Variants in NOVA1 observed in about 807,000 individuals in gnomAD.
NOVA1 encodes the protein NOVA alternative splicing regulator 1, also known as RNA-binding protein Nova-1.
NOVA1 carries 7 observed loss-of-function variants against 38.0 expected under a neutral mutation model. The observed-to-expected ratio is 0.18, with a 90% CI of 0.10 to 0.35. The LOEUF (loss-of-function observed/expected upper bound fraction) is 0.35. NOVA1 is among the 10% of genes least tolerant of loss of function. NOVA1 has a pLI of 1.00. For synonymous variants in NOVA1, 270 were observed against 232.5 expected (o/e 1.16, Z -1.47); for missense variants, 460 against 616.0 (o/e 0.75, Z 2.68).
Position 26,448,292 on chromosome 14 carries a change from T to C in NOVA1, c.1191A>G (p.Gly397=), listed in dbSNP as rs770857304. 6.2e-7 allele frequency: 1 copy of C among 1,614,144 alleles called. No individual in the cohort carries two copies. Among genetic ancestry groups the C allele is most frequent in the Non-Finnish European group, 8.5e-7 (1 of 1,180,028 alleles). The change falls in exon 5 of 5, where the codon GGA becomes GGG. Residue 397 remains glycine, a synonymous_variant. Coordinates refer to ENST00000539517, the MANE Select transcript of NOVA1 (RefSeq NM_002515.3). This position sits in a 1 kb window ranked among gnomAD's most constrained non-coding sequence, Gnocchi z 5.3. Reference sequence around the variant, plus strand: ...CTAGGGGAGAAGCAGCTCCAAAATATCCATTGGTTGCAGCAGTAGCAGCAG... The same window carrying C: ...CTAGGGGAGAAGCAGCTCCAAAATACCCATTGGTTGCAGCAGTAGCAGCAG... ...SLAAATAATN[G]YFGAASPLAA...
intron 2 of NOVA1, among the ~76,000 whole-genome samples, chr14:26,506,998 A>G (rs955152808): frequency 6.6e-6 from 1 of 152,184 alleles, no homozygotes; most frequent in Non-Finnish European, 1.5e-5. Context: ...AATTTCCTGA[A>G]TTTAATTTTC....
intron 2 of NOVA1, among the ~76,000 whole-genome samples, chr14:26,507,279 A>AG (rs940535291): frequency 1.3e-5 from 2 of 151,820 alleles, no homozygotes; most frequent in Non-Finnish European, 2.9e-5. Context: ...ATTGTAAAAA[A>AG]AAAAAATAAT....
At chr14:26,550,865 C>T (rs1053217865) in intron 2 of NOVA1, among the ~76,000 whole-genome samples, 28 of 151,870 alleles carry the variant, frequency 1.8e-4, no homozygotes, top group Middle Eastern at 3.4e-3. Flanking sequence ...GGCATATACT[C>T]AGTGGAGTTA....
intron 2 of NOVA1, among the ~76,000 whole-genome samples, chr14:26,485,876 A>C (rs923907668): frequency 2.0e-5 from 3 of 152,310 alleles, no homozygotes; most frequent in African/African-American, 7.2e-5. Context: ...AAAATAAAAC[A>C]ATAATACAAA....
chr14:26,443,689 A>G lies in NOVA1; in HGVS notation c.*4270T>C, dbSNP rs1032902322. The G allele has an allele frequency of 6.6e-6, 1 of 152,112 alleles. No individual in the cohort carries two copies. The highest frequency in any genetic ancestry group is 3.2e-3 in the Middle Eastern group (1 of 316). The allele number at this position is 152,112 out of a possible 1,614,324, so 9.4% of individuals were successfully genotyped here. A position where few individuals can be genotyped will look rare whatever the true frequency, so the allele number is the denominator to read the frequency against. On this transcript the variant is annotated 3_prime_UTR_variant, in exon 5 of 5. Transcript: ENST00000539517. ...CATCTATGAACAACAGTGCATAACA[A>G]TATTATGTATTCATGTTTATGAGAA...
At position 26,446,759 on chromosome 14, in the gene NOVA1, A is replaced by G. The variant is rs1032240957; in HGVS notation, c.*1200T>C. The G allele has an allele frequency of 2.6e-5, 4 of 152,678 alleles. No homozygotes were observed. In the East Asian group the frequency reaches 7.7e-4, roughly 29 times the overall value. The allele number at this position is 152,678 out of a possible 1,614,324, so 9.5% of individuals were successfully genotyped here. ...CTTACTCTGAAATGACCTGTCAAAA[A>G]GCCTGACAAAGGTAGATAACACTAC... On this transcript the variant is annotated 3_prime_UTR_variant, in exon 5 of 5. Transcript: ENST00000539517.
intron 2 of NOVA1, among the ~76,000 whole-genome samples, chr14:26,522,068 G>A (rs1413811110): frequency 6.6e-6 from 1 of 151,934 alleles, no homozygotes; most frequent in Non-Finnish European, 1.5e-5. Context: ...TCACAAGATA[G>A]TTACTGCCAA....
At chr14:26,486,092 A>G (rs941320966) in intron 2 of NOVA1, among the ~76,000 whole-genome samples, 1 of 152,178 alleles carries the variant, frequency 6.6e-6, no homozygotes, top group South Asian at 2.1e-4. Context: ...TAATATTGTG[A>G]TCAACATGTT....
intron 2 of NOVA1, among the ~76,000 whole-genome samples, chr14:26,584,960 G>A (rs928947814): frequency 7.9e-5 from 12 of 151,418 alleles, no homozygotes; most frequent in Admixed American, 2.6e-4. Flanking sequence ...CTTAAAATCC[G>A]TGGCAAAGAA....
intron 2 of NOVA1, 118 bp downstream of exon 2, chr14:26,595,292 A>G (rs775491140): frequency 1.1e-6 from 1 of 948,456 alleles, no homozygotes; most frequent in Non-Finnish European, 1.6e-6. Context: ...CTATAAAGCA[A>G]TATCTAAATA....
intron 2 of NOVA1, among the ~76,000 whole-genome samples, chr14:26,550,564 T>C (rs1346169851): frequency 6.6e-6 from 1 of 152,124 alleles, no homozygotes; most frequent in African/African-American, 2.4e-5. Context: ...GTCCACACAA[T>C]TTATCTTTGA....
chr14:26,469,027 CT>C lies in NOVA1; in HGVS notation c.519+3292del, dbSNP rs546719658. Among the ~76,000 whole-genome samples the C allele has an allele frequency of 9.2e-5, 14 of 152,222 alleles. No individual in the cohort carries two copies. The East Asian group carries it at 2.7e-3, about 29-fold the overall frequency. On this transcript the variant is annotated intron_variant, in intron 4 of 4. Coordinates refer to ENST00000539517, the MANE Select transcript of NOVA1 (RefSeq NM_002515.3). ...TTAATAACTTAGAACTGATTGAACG[CT>C]ACTGATTCTGTTTAAGTTTTATTTG...
chr14:26,450,409 C>G (rs936835315), intron 4 of NOVA1, among the ~76,000 whole-genome samples: 2 of 144,926 alleles, frequency 1.4e-5, no homozygotes, highest in Non-Finnish European at 3.1e-5. Context: ...ACACAAACCT[C>G]ATTTTATTTC....
At chr14:26,472,929 A>AAG (rs2138258816) in intron 3 of NOVA1, among the ~76,000 whole-genome samples, 1 of 152,158 alleles carries the variant, frequency 6.6e-6, no homozygotes, top group Non-Finnish European at 1.5e-5. Context: ...TTAAATTTGA[A>AAG]GTTCTGAGTT....
chr14:26,501,396 C>T (rs1458720888), intron 2 of NOVA1, among the ~76,000 whole-genome samples: 1 of 151,828 alleles, frequency 6.6e-6, no homozygotes, highest in African/African-American at 2.4e-5. Flanking sequence ...CCTATGAACA[C>T]ATATACAAAC....
intron 4 of NOVA1, among the ~76,000 whole-genome samples, chr14:26,465,097 T>C (rs1000277416): frequency 6.6e-6 from 1 of 152,184 alleles, no homozygotes; most frequent in Admixed American, 6.5e-5. Flanking sequence ...AGGACCTTCT[T>C]ATATATTTCT....
chr14:26,450,059 T>C (rs983707087), intron 4 of NOVA1, among the ~76,000 whole-genome samples: 3 of 152,104 alleles, frequency 2.0e-5, no homozygotes, highest in Non-Finnish European at 4.4e-5. Flanking sequence ...ACTGGGTAGG[T>C]CAAAACTTGT....
intron 2 of NOVA1, among the ~76,000 whole-genome samples, chr14:26,515,726 A>G (rs1000663850): frequency 6.6e-6 from 1 of 152,188 alleles, no homozygotes; most frequent in East Asian, 1.9e-4. Context: ...TTGACTTTTC[A>G]ACTACAATTA....
At chr14:26,533,589 T>C (rs966737095) in intron 2 of NOVA1, among the ~76,000 whole-genome samples, 1 of 152,234 alleles carries the variant, frequency 6.6e-6, no homozygotes, top group Non-Finnish European at 1.5e-5. Context: ...CAATTGTTCA[T>C]GTATTCAACC....
Sources: gnomAD v4.1 joint callset for allele counts (sites outside exome capture counted in the v4.1 genomes callset) on GRCh38, gnomAD v4.1.1 for gene constraint, Gnocchi (gnomAD v3.1) non-coding constraint, MANE v1.5 for transcripts, NCBI Gene and HGNC (gene_info 2026-07-23, HGNC 2026-07-21) for gene names.